ITGA1: variants seen among roughly 807,000 people sequenced by gnomAD.
ITGA1 encodes integrin alpha-1.
In ITGA1, 85 loss-of-function variants were observed where a neutral mutation model predicts 145.9. The observed-to-expected ratio is 0.58, with a 90% CI of 0.49 to 0.70. The LOEUF (loss-of-function observed/expected upper bound fraction) is 0.70. Among genes scored for constraint, ITGA1 ranks in the 30% least tolerant of loss-of-function variants. ITGA1 has a pLI of 0.00. For synonymous variants in ITGA1, 520 were observed against 495.3 expected, an observed-to-expected ratio of 1.05 and a Z score of -0.66; for missense variants, 1,351 against 1,418.7, an observed-to-expected ratio of 0.95 and a Z score of 0.77.
chr5:52,905,799 A>T lies in ITGA1; in HGVS notation c.1346A>T (p.Asp449Val), dbSNP rs1411043206. Residue 449 changes from aspartate to valine, a missense_variant, in exon 12 of 29, where the codon GAT (aspartate) becomes GTT (valine). Transcript: ENST00000282588. Reference protein sequence around the residue: ...TVNSATASSGDVLYIAGQPRY... With the variant: ...TVNSATASSGVVLYIAGQPRY... ...AACTCTGCTACTGCTTCTTCTGGAG[A>T]TGTGCTCTATATTGCTGGACAGCCT... 2 of 1,613,356 alleles carry T rather than the reference A, an allele frequency of 1.2e-6. No individual in the cohort carries two copies. Among genetic ancestry groups the T allele is most frequent in the Admixed American group, 1.7e-5 (1 of 59,994 alleles).
intron 1 of ITGA1, chr5:52,801,017 C>G: frequency 6.2e-7 from 1 of 1,614,046 alleles, no homozygotes; most frequent in Middle Eastern, 1.6e-4. Flanking sequence ...ATCCTGGTGG[C>G]CAGCCCAGGA....
intron 7 of ITGA1, among the ~76,000 whole-genome samples, chr5:52,886,478 A>G (rs1438082984): frequency 6.6e-6 from 1 of 152,232 alleles, no homozygotes; most frequent in African/African-American, 2.4e-5. Flanking sequence ...CCCAAATGGC[A>G]GCTGTTTGTC....
At chr5:52,834,560 G>GAGAAAGAAGAA (rs1554042404) in intron 1 of ITGA1, among the ~76,000 whole-genome samples, 2 of 130,690 alleles carry the variant, frequency 1.5e-5, no homozygotes, top group African/African-American at 2.9e-5. Flanking sequence ...GAAAGAGAGA[G>GAGAAAGAAGAA]AGAAAGAGAG....
At chr5:52,935,742 A>G (rs1230501953) in intron 23 of ITGA1, among the ~76,000 whole-genome samples, 1 of 152,236 alleles carries the variant, frequency 6.6e-6, no homozygotes, top group East Asian at 1.9e-4. Flanking sequence ...AAAATGCCAT[A>G]GCATAATACA....
chr5:52,812,572 G>C (rs6450086), intron 1 of ITGA1, among the ~76,000 whole-genome samples: 46,685 of 151,986 alleles, frequency 0.31, 7,824 homozygotes, highest in African/African-American at 0.45. Flanking sequence ...CTCTGGACTA[G>C]AAAATCTTGG....
At chr5:52,903,165 T>C (rs1410280757) in intron 11 of ITGA1, 1 of 152,066 alleles carries the variant, frequency 6.6e-6, no homozygotes, top group African/African-American at 2.4e-5. Context: ...TAACTCATTT[T>C]TAAAGGAGGC....
intron 2 of ITGA1, among the ~76,000 whole-genome samples, chr5:52,857,014 G>A (rs149722372): frequency 9.7e-4 from 147 of 152,224 alleles, no homozygotes; most frequent in African/African-American, 2.9e-3. Context: ...TTCACATCCT[G>A]ATGTTCTCAG....
intron 11 of ITGA1, among the ~76,000 whole-genome samples, chr5:52,901,447 A>G (rs1482847778): frequency 6.6e-6 from 1 of 152,228 alleles, no homozygotes; most frequent in Non-Finnish European, 1.5e-5. Flanking sequence ...ACTCATACAT[A>G]ATACAAAATA....
rs543075606 is a variant in ITGA1 at position 52,940,448 on chromosome 5, G to A, written c.3285+504G>A. On this transcript the variant is annotated intron_variant, in intron 26 of 28. Transcript: ENST00000282588. ...TTTTGAGACGGAGTGTCTCTCTGTC[G>A]CCCAGGCTGGAGTGCAGTGGCACGA... Among the ~76,000 whole-genome samples the A allele has an allele frequency of 1.9e-4, 28 of 144,016 alleles. 1 individual carries two copies. The highest frequency in any genetic ancestry group is 1.5e-3 in the South Asian group (7 of 4,554). The allele number at this position is 144,016 out of a possible 152,430, so 94.5% of individuals were successfully genotyped here.
rs10068856 is a variant in ITGA1 at position 52,800,003 on chromosome 5, G to A, written c.61+11589G>A. On this transcript the variant is annotated intron_variant, in intron 1 of 28. Coordinates refer to ENST00000282588, the MANE Select transcript of ITGA1 (RefSeq NM_181501.2). ...CGTCCGGAGCGCCTCACAGCTTAGT[G>A]CGCCTGCGCACGCGCGAACTGCGGC... The A allele has an allele frequency of 9.4e-3, 2,587 of 276,668 alleles. 76 individuals carry two copies. The highest frequency in any genetic ancestry group is 0.054 in the African/African-American group (2,405 of 44,780). The allele number at this position is 276,668 out of a possible 1,614,324, so 17.1% of individuals were successfully genotyped here. A position where few individuals can be genotyped will look rare whatever the true frequency, so the allele number is the denominator to read the frequency against.
At chr5:52,916,968 G>C (rs1272556625) in intron 15 of ITGA1, among the ~76,000 whole-genome samples, 1 of 152,196 alleles carries the variant, frequency 6.6e-6, no homozygotes, top group Non-Finnish European at 1.5e-5. Flanking sequence ...GGCCCAAAAT[G>C]ATAGTCATTT....
At chr5:52,872,697 T>G (rs1241239730) in intron 6 of ITGA1, among the ~76,000 whole-genome samples, 1 of 151,706 alleles carries the variant, frequency 6.6e-6, no homozygotes, top group Non-Finnish European at 1.5e-5. Flanking sequence ...TAGCTTACCC[T>G]TCAGCCATTC....
chr5:52,911,676 CTACTATATATACTATACATAT>C (rs1750542169), intron 14 of ITGA1, among the ~76,000 whole-genome samples: 1 of 128,948 alleles, frequency 7.8e-6, no homozygotes, highest in Admixed American at 8.4e-5. Flanking sequence ...TATAGTGTAT[CTACTATATATACTATACATAT>C]AGTGTATCTA....
At chr5:52,947,640 T>A (rs1751155862) in intron 28 of ITGA1, among the ~76,000 whole-genome samples, 179 bp downstream of exon 28, 1 of 152,156 alleles carries the variant, frequency 6.6e-6, no homozygotes, top group Non-Finnish European at 1.5e-5. Context: ...GCACACAACT[T>A]GACCCAATTT....
At chr5:52,832,728 G>C (rs1046718786) in intron 1 of ITGA1, among the ~76,000 whole-genome samples, 1 of 148,854 alleles carries the variant, frequency 6.7e-6, no homozygotes, top group Non-Finnish European at 1.5e-5. Context: ...TATAGGTATC[G>C]AAAAGACCCT....
At chr5:52,931,839 G>A in intron 21 of ITGA1, 1 of 431,892 alleles carries the variant, frequency 2.3e-6, no homozygotes, top group East Asian at 3.6e-5. Flanking sequence ...GTCAAGTCTA[G>A]TCGCACATCA....
chr5:52,834,596 A>AG (rs1377359524), intron 1 of ITGA1, among the ~76,000 whole-genome samples: 5 of 48,352 alleles, frequency 1.0e-4, no homozygotes, highest in South Asian at 8.9e-4. Context: ...AGAGAGAGAG[A>AG]AGAAAGAGAG....
In ITGA1 at chr5:52,862,241, GA is replaced by G. The variant is rs1483079020; in HGVS notation, c.295+690del. 8.3e-5 allele frequency among the ~76,000 whole-genome samples: 12 copies of G among 145,260 alleles called. No homozygotes were observed. In the South Asian group the frequency reaches 1.3e-3, roughly 16 times the overall value. ...CTCAAAAAAAAAAAAAAAAAGAAAA[GA>G]AAAAAAACAGATTTTAATCAACTCA... is the stretch of plus-strand genomic sequence containing the variant. On this transcript the variant is annotated intron_variant, in intron 3 of 28. Coordinates refer to ENST00000282588, the MANE Select transcript of ITGA1 (RefSeq NM_181501.2).
intron 6 of ITGA1, among the ~76,000 whole-genome samples, chr5:52,873,393 A>G (rs1187922987): frequency 6.6e-6 from 1 of 152,166 alleles, no homozygotes; most frequent in East Asian, 1.9e-4. Flanking sequence ...CGTCACTTTC[A>G]TTGTAGCATC....
Sources: gnomAD v4.1 joint callset for allele counts (sites outside exome capture counted in the v4.1 genomes callset) on GRCh38, gnomAD v4.1.1 for gene constraint, MANE v1.5 for transcripts, NCBI Gene and HGNC (gene_info 2026-07-23, HGNC 2026-07-21) for gene names.